NREP: variants seen among roughly 807,000 people sequenced by gnomAD.
The protein encoded by NREP is neuronal regeneration related protein.
In NREP, 5 loss-of-function variants were observed where a neutral mutation model predicts 8.6. That is an observed-to-expected ratio of 0.58 (90% CI 0.30 to 1.22). NREP has a LOEUF of 1.22. NREP is among the 50% of genes most tolerant of loss of function. The pLI, the probability that NREP is intolerant of heterozygous loss-of-function variation, is 0.07. For synonymous variants in NREP, 27 were observed against 28.0 expected (o/e 0.96, Z 0.11); for missense variants, 86 against 82.5 (o/e 1.04, Z -0.17).
At chr5:111,945,365 T>C (rs915813258) in intron 2 of NREP, among the ~76,000 whole-genome samples, 1 of 151,844 alleles carries the variant, frequency 6.6e-6, no homozygotes, top group Non-Finnish European at 1.5e-5. Flanking sequence ...ATGTGCCATG[T>C]TGGTGTGCTG....
At position 111,925,463 on chromosome 5, in the gene NREP, C is replaced by G. The variant is rs186654841; in HGVS notation, c.135+49811G>C. Among the ~76,000 whole-genome samples, 359 of 152,248 alleles carry G rather than the reference C, an allele frequency of 2.4e-3. 3 individuals are homozygous for G. Among genetic ancestry groups the G allele is most frequent in the African/African-American group, 8.2e-3 (341 of 41,574 alleles). On this transcript the variant is annotated intron_variant, in intron 2 of 3. Transcript: ENST00000395634. ...AGATTCCATCCTTCTCCTGTGCTTC[C>G]TCTCTTTTTCCTGGGCCTCCTCCCG...
chr5:111,835,829 G>A (rs1295618231), intron 2 of NREP, among the ~76,000 whole-genome samples: 1 of 152,090 alleles, frequency 6.6e-6, no homozygotes. Flanking sequence ...AGTTCATAGG[G>A]AAATTAGGAC....
At chr5:111,971,614 A>G (rs1476772386) in intron 2 of NREP, among the ~76,000 whole-genome samples, 2 of 152,192 alleles carry the variant, frequency 1.3e-5, no homozygotes, top group Admixed American at 6.5e-5. Flanking sequence ...TCAAGAATAC[A>G]TAATGGGGAA....
chr5:111,803,970 A>G (rs1581129694), intron 2 of NREP, among the ~76,000 whole-genome samples: 1 of 152,218 alleles, frequency 6.6e-6, no homozygotes, highest in Admixed American at 6.5e-5. Context: ...ATTTATAACT[A>G]TAATGCAACC....
chr5:111,973,171 A>G (rs911537663), intron 2 of NREP, among the ~76,000 whole-genome samples: 4 of 152,160 alleles, frequency 2.6e-5, no homozygotes, highest in Non-Finnish European at 5.9e-5. Context: ...TTTCTCAAAA[A>G]TATAGCCCTC....
rs55744973 is a variant in NREP, at chr5:111,888,342, C to CGG, written c.135+86930_135+86931dup. Among the ~76,000 whole-genome samples the CGG allele has an allele frequency of 7.3e-3, 1,092 of 150,062 alleles. 25 individuals are homozygous for CGG. Among genetic ancestry groups the CGG allele is most frequent in the African/African-American group, 0.024 (1,002 of 40,934 alleles). On this transcript the variant is annotated intron_variant, in intron 2 of 3. Transcript: ENST00000395634. ...CTCACAGTTCCCCATTGCTGGGTGG[C>CGG]GGGGGGGGTCTCAGGAAACTTACAA...
At chr5:111,854,528 T>C (rs1753383294) in intron 2 of NREP, among the ~76,000 whole-genome samples, 1 of 152,176 alleles carries the variant, frequency 6.6e-6, no homozygotes, top group South Asian at 2.1e-4. Flanking sequence ...TTTACATTGG[T>C]GAAACATGTG....
chr5:111,929,672 G>A (rs1401854577), intron 2 of NREP, among the ~76,000 whole-genome samples: 4 of 152,166 alleles, frequency 2.6e-5, no homozygotes, highest in Non-Finnish European at 5.9e-5. Context: ...ACATTTTCAT[G>A]GCTGGCAAAA....
intron 2 of NREP, among the ~76,000 whole-genome samples, chr5:111,946,099 CACAT>C (rs72413130): frequency 0.38 from 55,433 of 146,352 alleles, 10,511 homozygotes; most frequent in South Asian, 0.57. Context: ...CACACACACA[CACAT>C]AAGAAAATAA....
chr5:111,844,875 G>A (rs1370167122), intron 2 of NREP, among the ~76,000 whole-genome samples: 3 of 150,908 alleles, frequency 2.0e-5, no homozygotes, highest in Admixed American at 6.6e-5. Context: ...CTAAATTCTC[G>A]AATCTTCACA....
intron 2 of NREP, among the ~76,000 whole-genome samples, chr5:111,765,736 G>A (rs7732362): frequency 0.36 from 54,605 of 151,982 alleles, 10,121 homozygotes; most frequent in Admixed American, 0.41. Context: ...TCATCCCTTG[G>A]CATCTCTTTA....
chr5:111,815,403 A>C (rs1245587289), intron 2 of NREP, among the ~76,000 whole-genome samples: 1 of 152,186 alleles, frequency 6.6e-6, no homozygotes, highest in South Asian at 2.1e-4. Flanking sequence ...TGAGGTATAA[A>C]ACTATCTACA....
At chr5:111,829,213 G>A (rs1752703207) in intron 2 of NREP, among the ~76,000 whole-genome samples, 1 of 152,154 alleles carries the variant, frequency 6.6e-6, no homozygotes, top group African/African-American at 2.4e-5. Context: ...AGGACATTAA[G>A]CGGCATGCTA....
intron 3 of NREP, chr5:111,734,565 G>A: frequency 4.6e-6 from 2 of 437,452 alleles, no homozygotes; most frequent in Admixed American, 4.0e-5. Flanking sequence ...AACCTCTTCA[G>A]TTTCTGCCTG....
At chr5:111,847,917 A>C (rs778061187) in intron 2 of NREP, among the ~76,000 whole-genome samples, 1 of 152,164 alleles carries the variant, frequency 6.6e-6, no homozygotes, top group Non-Finnish European at 1.5e-5. Context: ...TTCTGTTCCA[A>C]AATATTCCTG....
intron 2 of NREP, among the ~76,000 whole-genome samples, chr5:111,868,441 C>T (rs376203356): frequency 6.6e-6 from 1 of 152,108 alleles, no homozygotes; most frequent in Non-Finnish European, 1.5e-5. Flanking sequence ...GAGTTGCAAA[C>T]TAGTGATTTT....
At chr5:111,749,491 T>C (rs570346272) in intron 2 of NREP, among the ~76,000 whole-genome samples, 1 of 152,246 alleles carries the variant, frequency 6.6e-6, no homozygotes, top group African/African-American at 2.4e-5. Flanking sequence ...TGTGAGGAGA[T>C]TCTCTTTGGT....
intron 2 of NREP, among the ~76,000 whole-genome samples, chr5:111,890,269 T>A (rs1754362575): frequency 1.6e-5 from 1 of 62,864 alleles, no homozygotes; most frequent in East Asian, 2.5e-4. Context: ...GGGCACACTG[T>A]TGTAAGGGGT....
At chr5:111,830,839 TAATA>T (rs1183207833) in intron 2 of NREP, among the ~76,000 whole-genome samples, 1 of 152,220 alleles carries the variant, frequency 6.6e-6, no homozygotes, top group African/African-American at 2.4e-5. Flanking sequence ...GAACCCACAG[TAATA>T]AAGGAAAGCT....
Sources: gnomAD v4.1 joint callset for allele counts (sites outside exome capture counted in the v4.1 genomes callset) on GRCh38, gnomAD v4.1.1 for gene constraint, MANE v1.5 for transcripts, NCBI Gene and HGNC (gene_info 2026-07-23, HGNC 2026-07-21) for gene names.